Variants in UBE4B observed in about 807,000 individuals in gnomAD.
The protein encoded by UBE4B is ubiquitin conjugation factor E4 B.
A neutral mutation model predicts 148.1 loss-of-function variants in UBE4B; 27 were observed. The observed-to-expected ratio is 0.18, with a 90% CI of 0.13 to 0.25. The LOEUF (loss-of-function observed/expected upper bound fraction) is 0.25. UBE4B is among the 10% of genes least tolerant of loss of function. The pLI is 1.00. For synonymous variants in UBE4B, 596 were observed against 619.3 expected, an observed-to-expected ratio of 0.96 and a Z score of 0.56; for missense variants, 1,170 against 1,662.4, an observed-to-expected ratio of 0.70 and a Z score of 5.15.
chr1:10,135,354 C>T (rs562265539), intron 16 of UBE4B, among the ~76,000 whole-genome samples, 168 bp downstream of exon 16: 1 of 152,016 alleles, frequency 6.6e-6, no homozygotes, highest in Non-Finnish European at 1.5e-5. Flanking sequence ...ACCTATAATC[C>T]CAGCACTTTG....
Position 10,140,168 on chromosome 1 carries a change from A to G in UBE4B, c.2363+2963A>G, listed in dbSNP as rs189281760. 2.3e-4 allele frequency among the ~76,000 whole-genome samples: 35 copies of G among 152,146 alleles called. 1 individual carries two copies. The highest frequency in any genetic ancestry group is 8.4e-4 in the African/African-American group (35 of 41,518). ...CCTCATTTTTGTTATATCATATCTT[A>G]TTACTCAGTTCAAAATGTTTTCTAA... is the stretch of plus-strand genomic sequence containing the variant. On this transcript the variant is annotated intron_variant, in intron 17 of 27. Transcript: ENST00000343090.
chr1:10,162,786 C>G (rs1228738815), intron 23 of UBE4B, among the ~76,000 whole-genome samples: 1 of 152,116 alleles, frequency 6.6e-6, no homozygotes, highest in Non-Finnish European at 1.5e-5. Context: ...TCCTCCCTCA[C>G]TCCCCTCCCT....
intron 9 of UBE4B, among the ~76,000 whole-genome samples, chr1:10,120,505 C>A (rs1645392631): frequency 6.6e-6 from 1 of 151,788 alleles, no homozygotes; most frequent in Non-Finnish European, 1.5e-5. Flanking sequence ...AGTGACAGAG[C>A]AGGACTCTGT....
chr1:10,142,551 G>A (rs1013245384), intron 17 of UBE4B, among the ~76,000 whole-genome samples: 8 of 151,922 alleles, frequency 5.3e-5, no homozygotes, highest in Non-Finnish European at 1.0e-4. Context: ...CATGCATGTA[G>A]TCCCAGCTAC....
chr1:10,035,556 C>T (rs1643484836), intron 1 of UBE4B, among the ~76,000 whole-genome samples: 1 of 148,554 alleles, frequency 6.7e-6, no homozygotes, highest in Non-Finnish European at 1.5e-5. Flanking sequence ...GCCACCACTC[C>T]CGGCTAGTTT....
chr1:10,134,894 C>T (rs376129845), intron 15 of UBE4B, 94 bp from the exon 16 acceptor site: 1 of 1,042,334 alleles, frequency 9.6e-7, no homozygotes, highest in Non-Finnish European at 1.4e-6. Context: ...AAGATCACAC[C>T]CCTTCGCTCC....
At chr1:10,127,856 G>C (rs1480125986) in intron 11 of UBE4B, among the ~76,000 whole-genome samples, 3 of 152,176 alleles carry the variant, frequency 2.0e-5, no homozygotes, top group Non-Finnish European at 4.4e-5. Context: ...TGTGATAAAT[G>C]TTAAAACAGA....
intron 19 of UBE4B, among the ~76,000 whole-genome samples, chr1:10,147,720 C>T (rs1027916869): frequency 6.6e-6 from 1 of 152,102 alleles, no homozygotes; most frequent in Non-Finnish European, 1.5e-5. Context: ...TAATATTAGG[C>T]CCTCCTAAGC....
intron 1 of UBE4B, among the ~76,000 whole-genome samples, chr1:10,039,153 C>T (rs1405035779): frequency 6.6e-6 from 1 of 151,976 alleles, no homozygotes; most frequent in African/African-American, 2.4e-5. Context: ...AGGAATCCAA[C>T]AGTTATAGAA....
At chr1:10,108,760 A>G (rs1436658866) in intron 7 of UBE4B, among the ~76,000 whole-genome samples, 3 of 152,230 alleles carry the variant, frequency 2.0e-5, no homozygotes, top group Non-Finnish European at 4.4e-5. Flanking sequence ...TGAACATTTT[A>G]TCACCATTTC....
intron 17 of UBE4B, among the ~76,000 whole-genome samples, chr1:10,139,362 G>T (rs1645750036): frequency 6.6e-6 from 1 of 151,866 alleles, no homozygotes; most frequent in African/African-American, 2.4e-5. Flanking sequence ...CTGTACTCCA[G>T]CCTGAGCAAG....
intron 2 of UBE4B, among the ~76,000 whole-genome samples, chr1:10,075,869 T>G (rs578034206): frequency 2.6e-5 from 4 of 151,796 alleles, no homozygotes; most frequent in African/African-American, 7.2e-5. Context: ...CTGGGCGACA[T>G]AGCAAAACCC....
Position 10,106,634 on chromosome 1 carries a change from A to G in UBE4B, c.1196+51A>G, listed in dbSNP as rs1402115787. On this transcript the variant is annotated intron_variant, in intron 7 of 27. Transcript: ENST00000343090. This position sits in a 1 kb window ranked among gnomAD's most constrained non-coding sequence, Gnocchi z 4.2. The stretch of plus-strand genomic sequence containing the variant: ...TGTGTGTTTGCGGTGCAGGGAAAGG[A>G]GATTAACACGGTTTGGAAGAAGTGC... The G allele has an allele frequency of 1.3e-6, 2 of 1,484,294 alleles. No homozygotes were observed. Among genetic ancestry groups the G allele is most frequent in the African/African-American group, 2.8e-5 (2 of 71,198 alleles). The allele number at this position is 1,484,294 out of a possible 1,614,324, so 91.9% of individuals were successfully genotyped here.
intron 17 of UBE4B, among the ~76,000 whole-genome samples, chr1:10,143,415 C>T (rs766862120): frequency 2.0e-5 from 3 of 151,950 alleles, no homozygotes; most frequent in Non-Finnish European, 2.9e-5. Flanking sequence ...AAAAAGACAA[C>T]AACAAGATCT....
At chr1:10,157,012 A>T (rs958436895) in intron 21 of UBE4B, among the ~76,000 whole-genome samples, 4 of 151,936 alleles carry the variant, frequency 2.6e-5, no homozygotes, top group Non-Finnish European at 5.9e-5. Flanking sequence ...TAAAAAAATT[A>T]AAAGTGAAAA....
At chr1:10,151,617 T>A in intron 21 of UBE4B, 56 bp downstream of exon 21, 2 of 1,471,938 alleles carry the variant, frequency 1.4e-6, no homozygotes, top group Non-Finnish European at 9.4e-7. Flanking sequence ...TAAGGTCATC[T>A]AAAGCTAGTG....
In UBE4B at chr1:10,149,217, G is replaced by A. The variant is rs746370872; in HGVS notation, c.2625G>A (p.Lys875=). The A allele has an allele frequency of 7.5e-6, 12 of 1,609,914 alleles. No individual in the cohort carries two copies. The South Asian group carries it at 1.2e-4, about 16-fold the overall frequency. ...TGCCTTTAAATTCAGATGTCCCCAA[G>A]GTATTTGCAGCGTTGCCTGAGTTTT... The part of the protein sequence containing the change: ...ITLPLNSDVP[K]VFAALPEFYV... The change falls in exon 20 of 28, where the codon AAG becomes AAA. Residue 875 remains lysine, a synonymous_variant. Transcript: ENST00000343090.
rs147179029 is a variant in UBE4B, at chr1:10,077,176, G to A, written c.211+4962G>A. On this transcript the variant is annotated intron_variant, in intron 2 of 27. Transcript: ENST00000343090. ...CAGTTCTAGAGGCTAGAAGTCCAAAGCCAAGGTGTTGGTAGGGCGATGCCT... is the reference window on the plus strand; with the variant it reads ...CAGTTCTAGAGGCTAGAAGTCCAAAACCAAGGTGTTGGTAGGGCGATGCCT... 3.3e-5 allele frequency among the ~76,000 whole-genome samples: 5 copies of A among 152,314 alleles called. No individual in the cohort carries two copies. The East Asian group carries it at 9.6e-4, about 29-fold the overall frequency.
intron 15 of UBE4B, among the ~76,000 whole-genome samples, chr1:10,134,747 C>A (rs76251444): frequency 0.017 from 2,616 of 151,870 alleles, 34 homozygotes; most frequent in Non-Finnish European, 0.027. Flanking sequence ...AATACTTTTT[C>A]TTGGCTGGTC....
Sources: allele counts gnomAD v4.1 joint callset (sites outside exome capture counted in the v4.1 genomes callset), GRCh38; gene constraint gnomAD v4.1.1; non-coding constraint Gnocchi (gnomAD v3.1); transcripts MANE v1.5; gene names NCBI Gene and HGNC (gene_info 2026-07-23, HGNC 2026-07-21).